FGF14: variants seen among roughly 807,000 people sequenced by gnomAD.
FGF14 encodes the protein fibroblast growth factor homologous factor 4.
In FGF14, 5 loss-of-function variants were observed where a neutral mutation model predicts 25.5. That is an observed-to-expected ratio of 0.20 (90% CI 0.10 to 0.41). The LOEUF is 0.41. FGF14 is among the 10% of genes least tolerant of loss of function. The pLI is 1.00. For missense variants in FGF14, 222 were observed against 320.1 expected (o/e 0.69, Z 2.34); for synonymous variants, 138 against 118.3 (o/e 1.17, Z -1.08).
intron 1 of FGF14, among the ~76,000 whole-genome samples, chr13:102,182,596 A>T (rs1346400341): frequency 1.3e-5 from 2 of 152,124 alleles, no homozygotes; most frequent in Non-Finnish European, 2.9e-5. Context: ...TTGTAAGGTA[A>T]GTACCTACAT....
intron 3 of FGF14, among the ~76,000 whole-genome samples, chr13:101,761,462 C>T (rs1205377466): frequency 6.6e-6 from 1 of 152,136 alleles, no homozygotes; most frequent in Non-Finnish European, 1.5e-5. Flanking sequence ...AAAACTTGGA[C>T]CCCACGTGAC....
chr13:101,931,577 T>G (rs1177896097), intron 1 of FGF14, among the ~76,000 whole-genome samples: 1 of 152,178 alleles, frequency 6.6e-6, no homozygotes, highest in Non-Finnish European at 1.5e-5. Flanking sequence ...GGACTTTGTT[T>G]TGTTCACTGT....
At chr13:102,050,596 T>C (rs1160887584) in intron 1 of FGF14, among the ~76,000 whole-genome samples, 1 of 152,158 alleles carries the variant, frequency 6.6e-6, no homozygotes, top group African/African-American at 2.4e-5. Flanking sequence ...TCAATGTAAA[T>C]GGTGGACTAC....
chr13:102,310,298 T>A (rs1362141300), intron 1 of FGF14, among the ~76,000 whole-genome samples: 10 of 152,200 alleles, frequency 6.6e-5, no homozygotes, highest in Non-Finnish European at 7.3e-5. Flanking sequence ...ACACACATCC[T>A]TCCCCCTTTC....
chr13:102,088,497 T>C (rs2219361), intron 1 of FGF14, among the ~76,000 whole-genome samples: 6,684 of 152,262 alleles, frequency 0.044, 496 homozygotes, highest in African/African-American at 0.15. Context: ...TGCAGTGTTA[T>C]TTTATTCATC....
At chr13:101,899,657 C>A (rs1225500162) in intron 1 of FGF14, among the ~76,000 whole-genome samples, 1 of 151,578 alleles carries the variant, frequency 6.6e-6, no homozygotes, top group Non-Finnish European at 1.5e-5. Flanking sequence ...TATACTATAG[C>A]AAATAAAAAG....
chr13:102,315,889 A>T (rs1336705), intron 1 of FGF14, among the ~76,000 whole-genome samples: 39,918 of 151,802 alleles, frequency 0.26, 5,579 homozygotes, highest in Admixed American at 0.38. Context: ...AAGATATTTT[A>T]AAAAAAACCT....
chr13:102,080,585 C>A (rs1426007247), intron 1 of FGF14, among the ~76,000 whole-genome samples: 2 of 152,166 alleles, frequency 1.3e-5, no homozygotes, highest in African/African-American at 4.8e-5. Context: ...ATCAACCATC[C>A]AGTTTCCAAA....
chr13:102,012,810 C>T (rs1292211767), intron 1 of FGF14, among the ~76,000 whole-genome samples: 1 of 152,092 alleles, frequency 6.6e-6, no homozygotes, highest in Non-Finnish European at 1.5e-5. Context: ...CCTTTCCATC[C>T]ATGCCCAGTA....
chr13:102,389,350 G>A (rs546932212), intron 1 of FGF14, among the ~76,000 whole-genome samples: 46 of 152,200 alleles, frequency 3.0e-4, no homozygotes, highest in Non-Finnish European at 6.5e-4. Flanking sequence ...CTTCATGATC[G>A]ATTTTAAGAT....
At chr13:102,060,673 A>T (rs1038693779) in intron 1 of FGF14, among the ~76,000 whole-genome samples, 3 of 152,244 alleles carry the variant, frequency 2.0e-5, no homozygotes, top group Non-Finnish European at 4.4e-5. Flanking sequence ...TTTAAAAATC[A>T]GTAAAAATCC....
upstream of FGF14, among the ~76,000 whole-genome samples, chr13:101,920,019 C>T (rs886627537): frequency 6.6e-6 from 1 of 152,126 alleles, no homozygotes; most frequent in African/African-American, 2.4e-5. Flanking sequence ...TTGGGATAAT[C>T]AAGGTCTTTT....
At chr13:101,933,592 C>T (rs2246201) in intron 1 of FGF14, among the ~76,000 whole-genome samples, 4,031 of 152,136 alleles carry the variant, frequency 0.026, 167 homozygotes, top group African/African-American at 0.092. Flanking sequence ...GACTTGGGGG[C>T]GAATGCCTGT....
intron 1 of FGF14, among the ~76,000 whole-genome samples, chr13:102,297,902 C>T (rs545747823): frequency 5.9e-5 from 9 of 152,008 alleles, no homozygotes; most frequent in Admixed American, 2.0e-4. Context: ...TGTGATGGTG[C>T]CCGTGGAAAG....
chr13:102,316,486 G>T (rs376287448), intron 1 of FGF14, among the ~76,000 whole-genome samples: 3 of 152,164 alleles, frequency 2.0e-5, no homozygotes, highest in East Asian at 3.9e-4. Context: ...TTTTTAAAAG[G>T]GAGGATATCT....
Position 101,980,741 on chromosome 13 carries a change from T to G in FGF14, c.209-105445A>C, listed in dbSNP as rs568292345. Among the ~76,000 whole-genome samples, 7 of 152,284 alleles carry G rather than the reference T, an allele frequency of 4.6e-5. No homozygotes were observed. The South Asian group carries it at 1.5e-3, about 32-fold the overall frequency. On this transcript the variant is annotated intron_variant, in intron 1 of 4. Transcript: ENST00000376131. ...ACACATTAAAGCATAACCCCTAATATTACATCTACATTTCACAGCACAGGA... is the reference window on the plus strand; with the variant it reads ...ACACATTAAAGCATAACCCCTAATAGTACATCTACATTTCACAGCACAGGA...
At chr13:101,793,354 C>T (rs796130202) in intron 3 of FGF14, among the ~76,000 whole-genome samples, 3 of 152,258 alleles carry the variant, frequency 2.0e-5, no homozygotes, top group South Asian at 2.1e-4. Context: ...GCTTATTTCA[C>T]TTAGCATAAT....
intron 2 of FGF14, among the ~76,000 whole-genome samples, chr13:101,873,389 G>C (rs991359277): frequency 1.3e-5 from 2 of 152,070 alleles, no homozygotes; most frequent in African/African-American, 4.8e-5. Context: ...TGAAGCTATG[G>C]TGTATGTCCT....
At chr13:102,118,894 G>A (rs2045592876) in intron 1 of FGF14, among the ~76,000 whole-genome samples, 1 of 151,892 alleles carries the variant, frequency 6.6e-6, no homozygotes, top group African/African-American at 2.4e-5. Flanking sequence ...AAAAATGGTG[G>A]TCAAATGACA....
Sources: allele counts gnomAD v4.1 joint callset (sites outside exome capture counted in the v4.1 genomes callset), GRCh38; gene constraint gnomAD v4.1.1; transcripts MANE v1.5; gene names NCBI Gene and HGNC (gene_info 2026-07-23, HGNC 2026-07-21).